The following CDH12 variants were observed in gnomAD, a reference collection of about 807,000 sequenced individuals.
The protein encoded by CDH12 is cadherin 12.
In CDH12, 41 loss-of-function variants were observed where a neutral mutation model predicts 74.1. The observed-to-expected ratio is 0.55, with a 90% CI of 0.43 to 0.72. The LOEUF (loss-of-function observed/expected upper bound fraction) is 0.72, where lower values mean the gene tolerates loss of function less well. Ranked by LOEUF, CDH12 falls within the 30% of genes least tolerant of loss-of-function variation. CDH12 has a pLI of 0.00. For missense variants in CDH12, 945 were observed against 977.2 expected (o/e 0.97, Z 0.44); for synonymous variants, 399 against 355.0 (o/e 1.12, Z -1.39).
Position 22,116,082 on chromosome 5 carries a change from A to C in CDH12, c.-186-37220T>G, listed in dbSNP as rs534188890. Among the ~76,000 whole-genome samples the C allele has an allele frequency of 5.9e-5, 9 of 152,300 alleles. No individual in the cohort carries two copies. In the South Asian group the frequency reaches 1.9e-3, roughly 32 times the overall value. On this transcript the variant is annotated intron_variant, in intron 4 of 14. Coordinates refer to ENST00000382254, the MANE Select transcript of CDH12 (RefSeq NM_004061.5). The stretch of plus-strand genomic sequence containing the variant: ...TTTGCAGATGTAATTAAAGTTACTA[A>C]CTAGTTAACTTTAAAAAAGGGAGAG...
intron 3 of CDH12, among the ~76,000 whole-genome samples, chr5:22,257,942 T>C (rs1402189597): frequency 3.9e-5 from 6 of 152,082 alleles, no homozygotes; most frequent in African/African-American, 1.4e-4. Context: ...GTGAAAAAGT[T>C]AAAAAATAAA....
intron 3 of CDH12, among the ~76,000 whole-genome samples, chr5:22,279,542 AC>A (rs1736786823): frequency 1.3e-5 from 2 of 151,756 alleles, no homozygotes; most frequent in South Asian, 4.2e-4. Context: ...CCACCGCACA[AC>A]AGGTCCTGGT....
intron 1 of CDH12, among the ~76,000 whole-genome samples, chr5:22,665,141 AAT>A (rs1260714347): frequency 2.6e-5 from 4 of 152,262 alleles, no homozygotes; most frequent in African/African-American, 9.6e-5. Flanking sequence ...TTGAACTCAA[AAT>A]CCTTCAGTGA....
chr5:21,837,504 C>T (rs543583507), intron 8 of CDH12, among the ~76,000 whole-genome samples: 19 of 149,136 alleles, frequency 1.3e-4, no homozygotes, highest in African/African-American at 4.7e-4. Context: ...GCTTAAGAGT[C>T]ACGAACAAAT....
intron 1 of CDH12, among the ~76,000 whole-genome samples, chr5:22,709,872 C>T (rs269024): frequency 0.7 from 105,950 of 152,048 alleles, 37,092 homozygotes; most frequent in Admixed American, 0.75. Flanking sequence ...TTCTAGACAG[C>T]CACACTGGAG....
chr5:22,002,275 AAC>A (rs1255351352), intron 5 of CDH12, among the ~76,000 whole-genome samples: 2 of 152,162 alleles, frequency 1.3e-5, no homozygotes, highest in Non-Finnish European at 2.9e-5. Flanking sequence ...TAAATAATGA[AAC>A]AATTATTTTG....
chr5:22,703,614 A>G (rs1742833051), intron 1 of CDH12, among the ~76,000 whole-genome samples: 1 of 152,184 alleles, frequency 6.6e-6, no homozygotes, highest in African/African-American at 2.4e-5. Context: ...GTGTTAAGAA[A>G]AATGTGGCAA....
intron 4 of CDH12, among the ~76,000 whole-genome samples, chr5:22,103,039 G>T (rs1341130728): frequency 6.6e-6 from 1 of 152,112 alleles, no homozygotes; most frequent in African/African-American, 2.4e-5. Context: ...GCTCGTGTAC[G>T]TTTCCCACTC....
intron 9 of CDH12, among the ~76,000 whole-genome samples, chr5:21,813,428 C>T (rs545114669): frequency 3.9e-5 from 6 of 152,012 alleles, no homozygotes; most frequent in African/African-American, 9.6e-5. Flanking sequence ...TGCAGTGAGC[C>T]GAGATCCCTC....
chr5:22,038,782 T>C (rs577421456), intron 5 of CDH12, among the ~76,000 whole-genome samples: 1 of 152,078 alleles, frequency 6.6e-6, no homozygotes, highest in South Asian at 2.1e-4. Flanking sequence ...ACCAAAGGAT[T>C]TGTGCCTCGA....
intron 2 of CDH12, among the ~76,000 whole-genome samples, chr5:22,475,529 T>G (rs937420378): frequency 6.6e-6 from 1 of 151,994 alleles, no homozygotes; most frequent in Non-Finnish European, 1.5e-5. Context: ...CGATACTGAA[T>G]TTAACAATAA....
chr5:21,993,137 T>C (rs910802147), intron 5 of CDH12, among the ~76,000 whole-genome samples: 9 of 152,062 alleles, frequency 5.9e-5, no homozygotes, highest in African/African-American at 1.9e-4. Context: ...CGAGATGAGA[T>C]TGGCGGGGGG....
chr5:22,298,498 A>C (rs993237473), intron 3 of CDH12, among the ~76,000 whole-genome samples: 5 of 151,920 alleles, frequency 3.3e-5, no homozygotes, highest in Non-Finnish European at 7.4e-5. Context: ...ACTCTCTTTC[A>C]ATGATGGATT....
chr5:22,115,911 C>T (rs6452055), intron 4 of CDH12, among the ~76,000 whole-genome samples: 72,465 of 151,690 alleles, frequency 0.48, 17,544 homozygotes, highest in Middle Eastern at 0.52. Context: ...AGGATGGTCT[C>T]GATCTCTTGA....
At chr5:22,000,940 GTGC>G (rs1409230223) in intron 5 of CDH12, among the ~76,000 whole-genome samples, 1 of 152,186 alleles carries the variant, frequency 6.6e-6, no homozygotes, top group East Asian at 1.9e-4. Context: ...GAAGTAATCA[GTGC>G]TGTAGAAAAT....
At chr5:21,991,948 T>G (rs1248697273) in intron 5 of CDH12, among the ~76,000 whole-genome samples, 2 of 152,088 alleles carry the variant, frequency 1.3e-5, no homozygotes, top group African/African-American at 4.8e-5. Context: ...TAATAATTTA[T>G]ACATAATATT....
At chr5:22,337,434 C>T (rs1021816032) in intron 3 of CDH12, among the ~76,000 whole-genome samples, 3 of 152,060 alleles carry the variant, frequency 2.0e-5, no homozygotes, top group Admixed American at 6.6e-5. Flanking sequence ...TTATAGCTCC[C>T]GTAATTCCCA....
chr5:22,704,779 A>G (rs771684514), intron 1 of CDH12, among the ~76,000 whole-genome samples: 1 of 152,040 alleles, frequency 6.6e-6, no homozygotes, highest in Non-Finnish European at 1.5e-5. Flanking sequence ...CTATATTATC[A>G]TACGTGTGGT....
At position 22,023,906 on chromosome 5, in the gene CDH12, G is replaced by C. The variant is rs185933755; in HGVS notation, c.232-48521C>G. On this transcript the variant is annotated intron_variant, in intron 5 of 14. Transcript: ENST00000382254. ...AACACAGTTATGTCATGTCACTGATGCAGGGGACAGAAGATGTGGAAGATC... is the reference window on the plus strand; with the variant it reads ...AACACAGTTATGTCATGTCACTGATCCAGGGGACAGAAGATGTGGAAGATC... Among the ~76,000 whole-genome samples, 7 of 152,224 alleles carry C rather than the reference G, an allele frequency of 4.6e-5. No individual in the cohort carries two copies. The East Asian group carries it at 9.7e-4, about 21-fold the overall frequency.
Sources: gnomAD v4.1 joint callset for allele counts (sites outside exome capture counted in the v4.1 genomes callset) on GRCh38, gnomAD v4.1.1 for gene constraint, MANE v1.5 for transcripts, NCBI Gene and HGNC (gene_info 2026-07-23, HGNC 2026-07-21) for gene names.